The following MYOF variants were observed in gnomAD, a reference collection of about 807,000 sequenced individuals.
MYOF encodes the protein myoferlin.
MYOF carries 244 observed loss-of-function variants against 284.2 expected under a neutral mutation model. The ratio of observed to expected loss-of-function variants is 0.86; its 90% CI spans 0.77 to 0.95. The LOEUF is 0.95. Ranked by LOEUF, MYOF falls within the 40% of genes least tolerant of loss-of-function variation. MYOF has a pLI of 0.00. For synonymous variants in MYOF, 904 were observed against 919.7 expected (o/e 0.98, Z 0.31); for missense variants, 2,496 against 2,560.6 (o/e 0.97, Z 0.54).
rs530877212 is a variant in MYOF at position 93,306,792 on chromosome 10, T to A, written c.*171A>T. 1.5e-6 allele frequency: 1 copy of A among 667,328 alleles called. No individual in the cohort carries two copies. Among genetic ancestry groups the A allele is most frequent in the South Asian group, 1.9e-5 (1 of 52,836 alleles). 41.3% of individuals were successfully genotyped at this position (667,328 alleles called of 1,614,324 possible). ...GATAACATGATGCAAACGTTGCTTG[T>A]TGGCCTGACTTTCCAGGACTAAGAC... On this transcript the variant is annotated 3_prime_UTR_variant, in exon 54 of 54. Transcript: ENST00000359263.
chr10:93,417,826 A>G (rs1332964069), intron 5 of MYOF, among the ~76,000 whole-genome samples: 1 of 151,408 alleles, frequency 6.6e-6, no homozygotes, highest in Non-Finnish European at 1.5e-5. Context: ...TGGAACACAG[A>G]CCCCACTTCA....
intron 24 of MYOF, 121 bp downstream of exon 24, chr10:93,372,809 C>G: frequency 8.1e-7 from 1 of 1,229,638 alleles, no homozygotes; most frequent in Non-Finnish European, 1.2e-6. Flanking sequence ...CCAGGATGGG[C>G]TAGAATTGAT....
chr10:93,460,518 C>G (rs1435391157), intron 1 of MYOF, among the ~76,000 whole-genome samples: 2 of 152,220 alleles, frequency 1.3e-5, no homozygotes, highest in African/African-American at 4.8e-5. Context: ...AATCCTAGCA[C>G]TTTGGGAGGC....
intron 25 of MYOF, among the ~76,000 whole-genome samples, chr10:93,367,739 C>T (rs1845390643): frequency 6.6e-6 from 1 of 151,576 alleles, no homozygotes; most frequent in Admixed American, 6.6e-5. Context: ...GTCAGCAGGA[C>T]TGGGGCAGGA....
chr10:93,336,126 T>C, intron 40 of MYOF, 80 bp from the exon 41 acceptor site: 1 of 1,522,968 alleles, frequency 6.6e-7, no homozygotes, highest in Admixed American at 1.9e-5. Flanking sequence ...CAGTATCAAG[T>C]GGGCCTGAGG....
intron 41 of MYOF, among the ~76,000 whole-genome samples, chr10:93,334,944 A>C (rs2133822091): frequency 6.6e-6 from 1 of 152,316 alleles, no homozygotes; most frequent in Middle Eastern, 3.4e-3. Context: ...GCAAAGGATT[A>C]TAAAGCAGCA....
rs757125237 is a variant in MYOF at position 93,343,854 on chromosome 10, A to G, written c.4326+2T>C. 2 of 1,614,152 alleles carry G rather than the reference A, an allele frequency of 1.2e-6. No homozygotes were observed. The highest frequency in any genetic ancestry group is 2.2e-5 in the South Asian group (2 of 91,080). On this transcript the variant is annotated splice_donor_variant, in intron 38 of 53. Transcript: ENST00000359263. LOFTEE classifies it high-confidence loss of function. Reference sequence around the variant, plus strand: ...CATCCACTGATCAGCTCTGAAGCCTACCTTAGAAGCCAGTAATGGTTTGGT... The same window carrying G: ...CATCCACTGATCAGCTCTGAAGCCTGCCTTAGAAGCCAGTAATGGTTTGGT...
chr10:93,332,795 C>T (rs558533794), intron 43 of MYOF, among the ~76,000 whole-genome samples: 12 of 151,942 alleles, frequency 7.9e-5, no homozygotes, highest in East Asian at 7.8e-4. Context: ...TGCAGTGAGC[C>T]GAGATCACGC....
At chr10:93,322,483 T>A (rs1842885774) in intron 48 of MYOF, among the ~76,000 whole-genome samples, 1 of 152,190 alleles carries the variant, frequency 6.6e-6, no homozygotes, top group African/African-American at 2.4e-5. Context: ...GCAACATCTA[T>A]GATCGAGGCA....
At chr10:93,324,871 C>G (rs1166013241) in intron 46 of MYOF, among the ~76,000 whole-genome samples, 1 of 152,106 alleles carries the variant, frequency 6.6e-6, no homozygotes, top group African/African-American at 2.4e-5. Flanking sequence ...CCTCCACCTC[C>G]CTGGTTCAAG....
At chr10:93,445,910 T>A in intron 3 of MYOF, among the ~76,000 whole-genome samples, 1 of 152,132 alleles carries the variant, frequency 6.6e-6, no homozygotes, top group East Asian at 1.9e-4. Context: ...AGTAAGCAGA[T>A]CCTCAAAGGC....
At chr10:93,330,090 G>T (rs1843234433) in intron 43 of MYOF, among the ~76,000 whole-genome samples, 1 of 152,170 alleles carries the variant, frequency 6.6e-6, no homozygotes, top group Non-Finnish European at 1.5e-5. Flanking sequence ...TACCTCTGCT[G>T]CTTACCAGCT....
At chr10:93,460,901 G>A (rs1049334479) in intron 1 of MYOF, among the ~76,000 whole-genome samples, 6 of 152,038 alleles carry the variant, frequency 3.9e-5, no homozygotes, top group Admixed American at 2.6e-4. Flanking sequence ...TTTGAGACCA[G>A]CCTGGCCAAC....
chr10:93,426,202 C>T lies in MYOF; in HGVS notation c.346-44G>A, dbSNP rs41290210. On this transcript the variant is annotated intron_variant, in intron 4 of 53. Transcript: ENST00000359263. ...TTGCAAATATTATCAGTGCAGGGCA[C>T]CAGCATGTTATAGACTCAATGCAAG... 1,947 of 1,538,478 alleles carry T rather than the reference C, an allele frequency of 1.3e-3. 4 individuals carry two copies. Among genetic ancestry groups the T allele is most frequent in the South Asian group, 2.9e-3 (244 of 83,000 alleles).
chr10:93,347,348 C>T (rs1434732126), intron 37 of MYOF, among the ~76,000 whole-genome samples: 7 of 150,298 alleles, frequency 4.7e-5, no homozygotes, highest in African/African-American at 1.7e-4. Context: ...GTCAGGAGAT[C>T]GAGACCATCC....
chr10:93,423,567 T>C (rs1415768109), intron 5 of MYOF, among the ~76,000 whole-genome samples: 16 of 126,218 alleles, frequency 1.3e-4, no homozygotes, highest in East Asian at 4.7e-4. Flanking sequence ...AGTGCAGTGG[T>C]TTACGCCTGT....
At chr10:93,480,021 A>G (rs181692468) in intron 1 of MYOF, among the ~76,000 whole-genome samples, 1 of 152,324 alleles carries the variant, frequency 6.6e-6, no homozygotes, top group East Asian at 1.9e-4. Flanking sequence ...ATTAACTCCA[A>G]TTCCTCTATA....
chr10:93,463,935 C>T lies in MYOF; in HGVS notation c.89-6998G>A, dbSNP rs984149399. 2.7e-5 allele frequency among the ~76,000 whole-genome samples: 4 copies of T among 150,782 alleles called. No homozygotes were observed. In the East Asian group the frequency reaches 5.9e-4, roughly 22 times the overall value. ...TGAGACTGGCTTGCTACATCTGTGC[C>T]GGTGGTCAGCTGCGCTGGTTCATTT... On this transcript the variant is annotated intron_variant, in intron 1 of 53. Transcript: ENST00000359263.
At chr10:93,441,474 T>C (rs1396015847) in intron 3 of MYOF, among the ~76,000 whole-genome samples, 1 of 151,710 alleles carries the variant, frequency 6.6e-6, no homozygotes, top group Non-Finnish European at 1.5e-5. Flanking sequence ...AAGCTCCACC[T>C]CTTGAATTCA....
Sources: allele counts gnomAD v4.1 joint callset (sites outside exome capture counted in the v4.1 genomes callset), GRCh38; gene constraint gnomAD v4.1.1; transcripts MANE v1.5; gene names NCBI Gene and HGNC (gene_info 2026-07-23, HGNC 2026-07-21).